NALF1: variants seen among roughly 807,000 people sequenced by gnomAD.
NALF1 encodes NALCN channel auxiliary factor 1.
Under a neutral mutation model 48.4 loss-of-function variants are expected in NALF1, and 3 were observed. That is an observed-to-expected ratio of 0.06 (90% CI 0.03 to 0.16). The LOEUF is 0.16. NALF1 is among the 10% of genes least tolerant of loss of function. NALF1 has a pLI of 1.00. For missense variants in NALF1, 526 were observed against 571.5 expected (o/e 0.92, Z 0.81); for synonymous variants, 262 against 245.7 (o/e 1.07, Z -0.62).
chr13:107,641,039 A>G (rs1403450565), intron 1 of NALF1, among the ~76,000 whole-genome samples: 3 of 152,244 alleles, frequency 2.0e-5, no homozygotes, highest in African/African-American at 7.2e-5. Context: ...GATAACTAAA[A>G]TATGGTATTG....
chr13:107,558,768 C>G (rs1028812471), intron 1 of NALF1, among the ~76,000 whole-genome samples: 6 of 152,202 alleles, frequency 3.9e-5, no homozygotes, highest in African/African-American at 1.4e-4. Flanking sequence ...TAAAGATGAC[C>G]TGCCTCGCCC....
intron 1 of NALF1, among the ~76,000 whole-genome samples, chr13:107,555,845 C>T (rs1877456609): frequency 6.6e-6 from 1 of 151,902 alleles, no homozygotes; most frequent in African/African-American, 2.4e-5. Context: ...ATTCTACCAC[C>T]TGCAAGCTTA....
chr13:107,306,058 G>A (rs1467205978), intron 1 of NALF1, among the ~76,000 whole-genome samples: 3 of 152,078 alleles, frequency 2.0e-5, no homozygotes, highest in South Asian at 2.1e-4. Flanking sequence ...ACTGAAGATC[G>A]GTGATGTGTG....
intron 1 of NALF1, among the ~76,000 whole-genome samples, chr13:107,443,496 C>T (rs1278520451): frequency 2.0e-5 from 3 of 152,122 alleles, no homozygotes; most frequent in Non-Finnish European, 2.9e-5. Context: ...GGATTACAGG[C>T]GTGAGCCACC....
intron 1 of NALF1, among the ~76,000 whole-genome samples, chr13:107,476,743 T>A (rs1003864798): frequency 1.3e-5 from 2 of 152,084 alleles, no homozygotes; most frequent in Admixed American, 1.3e-4. Flanking sequence ...TATAGATTTA[T>A]ATGGGAATCC....
chr13:107,591,780 T>A (rs1878609187), intron 1 of NALF1, among the ~76,000 whole-genome samples: 2 of 152,064 alleles, frequency 1.3e-5, no homozygotes, highest in African/African-American at 4.8e-5. Flanking sequence ...ATTAAAATAT[T>A]TGGTAAAATA....
intron 1 of NALF1, among the ~76,000 whole-genome samples, chr13:107,256,108 T>A (rs996188011): frequency 1.3e-5 from 2 of 152,224 alleles, no homozygotes; most frequent in African/African-American, 4.8e-5. Context: ...TTCAAACTAG[T>A]TGTTGAAAAC....
intron 1 of NALF1, among the ~76,000 whole-genome samples, chr13:107,774,118 T>C (rs530200444): frequency 1.3e-5 from 2 of 152,310 alleles, no homozygotes; most frequent in South Asian, 4.1e-4. Context: ...GAAGAACAGT[T>C]ACTTCAATCA....
chr13:107,592,458 G>C (rs1468388309), intron 1 of NALF1, among the ~76,000 whole-genome samples: 1 of 151,762 alleles, frequency 6.6e-6, no homozygotes, highest in East Asian at 1.9e-4. Context: ...AGTATGGTTT[G>C]TCCTTTGACA....
intron 1 of NALF1, among the ~76,000 whole-genome samples, chr13:107,214,022 G>A (rs1408547128): frequency 1.3e-5 from 2 of 152,308 alleles, no homozygotes; most frequent in African/African-American, 4.8e-5. Flanking sequence ...GAGCTTTCCT[G>A]CCAGAAGAGA....
At chr13:107,842,951 T>C (rs1166265865) in intron 1 of NALF1, among the ~76,000 whole-genome samples, 1 of 152,104 alleles carries the variant, frequency 6.6e-6, no homozygotes, top group Non-Finnish European at 1.5e-5. Flanking sequence ...TTCTCCTCAA[T>C]AAGAGGATCA....
intron 1 of NALF1, among the ~76,000 whole-genome samples, chr13:107,756,393 C>T (rs1195707506): frequency 6.7e-6 from 1 of 148,572 alleles, no homozygotes; most frequent in Non-Finnish European, 1.5e-5. Context: ...TAGAGACTAG[C>T]ATTTGAATCA....
rs377458183 is a variant in NALF1 at position 107,599,307 on chromosome 13, A to C, written c.915+266375T>G. Among the ~76,000 whole-genome samples, 10 of 152,124 alleles carry C rather than the reference A, an allele frequency of 6.6e-5. No individual in the cohort carries two copies. The East Asian group carries it at 1.9e-3, about 30-fold the overall frequency. The stretch of plus-strand genomic sequence containing the variant: ...CGTGGTGGCGGGCATCTGTAGTCCC[A>C]GCTACTCGGGAGGCTGAGGCAGGAG... On this transcript the variant is annotated intron_variant, in intron 1 of 2. Coordinates refer to ENST00000375915, the MANE Select transcript of NALF1 (RefSeq NM_001080396.3).
intron 1 of NALF1, among the ~76,000 whole-genome samples, chr13:107,615,039 A>G (rs1879342137): frequency 1.3e-5 from 2 of 151,828 alleles, no homozygotes; most frequent in African/African-American, 4.8e-5. Context: ...AGCCTCCCAA[A>G]GTGCTGGGAT....
intron 2 of NALF1, among the ~76,000 whole-genome samples, chr13:107,193,651 G>A (rs544537053): frequency 2.6e-4 from 40 of 152,220 alleles, no homozygotes; most frequent in African/African-American, 9.4e-4. Context: ...TGACTAACCC[G>A]ACCGACCAGA....
At chr13:107,443,220 C>T (rs955722764) in intron 1 of NALF1, among the ~76,000 whole-genome samples, 4 of 147,730 alleles carry the variant, frequency 2.7e-5, no homozygotes, top group Admixed American at 2.0e-4. Flanking sequence ...ATCTATCTAT[C>T]GATATGTAAG....
intron 1 of NALF1, among the ~76,000 whole-genome samples, chr13:107,799,306 C>T (rs1288554729): frequency 6.6e-6 from 1 of 152,152 alleles, no homozygotes. Context: ...TTTACAGCTC[C>T]TTTTATGAGG....
chr13:107,508,326 A>G (rs1408147947), intron 1 of NALF1, among the ~76,000 whole-genome samples: 7 of 151,514 alleles, frequency 4.6e-5, no homozygotes, highest in Admixed American at 1.3e-4. Flanking sequence ...ATACTCATGT[A>G]TATTAATGTA....
Position 107,865,811 on chromosome 13 carries a change from C to G in NALF1, c.786G>C (p.Arg262Ser). The G allele has an allele frequency of 6.2e-7, 1 of 1,614,146 alleles. No homozygotes were observed. The highest frequency in any genetic ancestry group is 8.5e-7 in the Non-Finnish European group (1 of 1,180,020). The stretch of plus-strand genomic sequence containing the variant: ...AGTCCTGGTAAGCCTCGACGCACTG[C>G]CTGCAAGTGGTCATCTCGCCGCCTT... ...LKEGGEMTTC[R>S]QCVEAYQDYD... is the part of the protein sequence containing the mutation. The change falls in exon 1 of 3, where the codon AGG becomes AGC. Residue 262 changes from arginine (R) to serine (S), a missense_variant. Transcript: ENST00000375915.
Sources: gnomAD v4.1 joint callset for allele counts (sites outside exome capture counted in the v4.1 genomes callset) on GRCh38, gnomAD v4.1.1 for gene constraint, MANE v1.5 for transcripts, NCBI Gene and HGNC (gene_info 2026-07-23, HGNC 2026-07-21) for gene names.